SYTL2: variants seen among roughly 807,000 people sequenced by gnomAD.
SYTL2 encodes the protein synaptotagmin like 2.
In SYTL2, 165 loss-of-function variants were observed where a neutral mutation model predicts 198.7. That is an observed-to-expected ratio of 0.83 (90% CI 0.73 to 0.94). The LOEUF (loss-of-function observed/expected upper bound fraction) is 0.94. SYTL2 is among the 40% of genes least tolerant of loss of function. The pLI is 0.00. For missense variants in SYTL2, 2,835 were observed against 2,582.8 expected (o/e 1.10, Z -2.12); for synonymous variants, 966 against 917.7 (o/e 1.05, Z -0.95).
chr11:85,849,140 G>C, the SYTL2 span, among the ~76,000 whole-genome samples: 67 of 152,154 alleles, frequency 4.4e-4, no homozygotes, highest in Non-Finnish European at 1.5e-4. Flanking sequence ...CCTCTTAAGA[G>C]AATATTTTCT....
chr11:85,766,319 A>T (rs1360423202), intron 1 of SYTL2, among the ~76,000 whole-genome samples: 1 of 152,244 alleles, frequency 6.6e-6, no homozygotes, highest in Admixed American at 6.5e-5. Flanking sequence ...AAAGAAAAAC[A>T]GTAAAGAAAG....
chr11:85,827,014 G>A, the SYTL2 span, among the ~76,000 whole-genome samples: 2 of 152,194 alleles, frequency 1.3e-5, no homozygotes, highest in South Asian at 2.1e-4. Context: ...TAAGCCGAAG[G>A]ACCCAGTAAC....
intron 4 of SYTL2, among the ~76,000 whole-genome samples, chr11:85,741,852 T>C (rs549089023): frequency 6.6e-6 from 1 of 152,346 alleles, no homozygotes; most frequent in East Asian, 1.9e-4. Flanking sequence ...AGGAGACTGG[T>C]GTCAGAAGCA....
chr11:85,829,210 G>A, the SYTL2 span, among the ~76,000 whole-genome samples: 1 of 152,132 alleles, frequency 6.6e-6, no homozygotes, highest in Non-Finnish European at 1.5e-5. Flanking sequence ...CAAATAGGTG[G>A]TTTTTAAGCC....
At position 85,726,416 on chromosome 11, in the gene SYTL2, T is replaced by C; in HGVS notation, c.2942A>G (p.Gln981Arg). ...PNAEQVYNPS[Q>R]FENLRKFWDL... ...CCAAAACTTTCTCAAATTCTCAAAC[T>C]GAGAGGGATTATAGACCTGTTCTGC... The change falls in exon 8 of 20, where the codon CAG (glutamine) becomes CGG (arginine). Residue 981 changes from glutamine (Q) to arginine (R), a missense_variant. Coordinates refer to ENST00000359152, the MANE Select transcript of SYTL2 (RefSeq NM_206927.4). The C allele has an allele frequency of 6.2e-7, 1 of 1,613,272 alleles. No individual in the cohort carries two copies. Among genetic ancestry groups the C allele is most frequent in the Non-Finnish European group, 8.5e-7 (1 of 1,179,768 alleles).
At chr11:85,708,060 G>A in intron 14 of SYTL2, 1 of 398,858 alleles carries the variant, frequency 2.5e-6, no homozygotes, top group African/African-American at 2.2e-5. Flanking sequence ...CTAGTCAGGA[G>A]GCTGAGGCAG....
At chr11:85,719,625 G>A (rs1294439032) in intron 9 of SYTL2, among the ~76,000 whole-genome samples, 1 of 152,100 alleles carries the variant, frequency 6.6e-6, no homozygotes, top group Admixed American at 6.5e-5. Flanking sequence ...GGATATGGGG[G>A]TTGGCCGCCT....
At chr11:85,849,876 G>A in the SYTL2 span, among the ~76,000 whole-genome samples, 4 of 138,604 alleles carry the variant, frequency 2.9e-5, no homozygotes, top group South Asian at 7.1e-4. Context: ...ATTACCTTGG[G>A]CAGTATGGCC....
At chr11:85,752,577 A>G (rs2091577413) in intron 2 of SYTL2, among the ~76,000 whole-genome samples, 1 of 152,166 alleles carries the variant, frequency 6.6e-6, no homozygotes, top group African/African-American at 2.4e-5. Flanking sequence ...AACAAACTAC[A>G]AACCTTCCTT....
intron 7 of SYTL2, among the ~76,000 whole-genome samples, chr11:85,730,649 C>T (rs2089712539): frequency 6.6e-6 from 1 of 152,072 alleles, no homozygotes; most frequent in Non-Finnish European, 1.5e-5. Context: ...ACTGAATGGG[C>T]AAAAGCTGGA....
intron 1 of SYTL2, among the ~76,000 whole-genome samples, chr11:85,771,357 C>T (rs1439095385): frequency 6.6e-6 from 1 of 152,128 alleles, no homozygotes; most frequent in Non-Finnish European, 1.5e-5. Flanking sequence ...GGTTAATTAA[C>T]GTAAATGAAT....
At chr11:85,783,440 C>T (rs577874774) in intron 1 of SYTL2, among the ~76,000 whole-genome samples, 1 of 152,244 alleles carries the variant, frequency 6.6e-6, no homozygotes, top group East Asian at 1.9e-4. Context: ...GGGACATAGC[C>T]AAACCATATA....
At chr11:85,788,071 A>G (rs911690734) in intron 1 of SYTL2, among the ~76,000 whole-genome samples, 30 of 152,104 alleles carry the variant, frequency 2.0e-4, no homozygotes, top group African/African-American at 6.8e-4. Context: ...GGCAGTGGAG[A>G]TATTTGCTTA....
At chr11:85,854,261 T>C in the SYTL2 span, 1 of 129,798 alleles carries the variant, frequency 7.7e-6, no homozygotes, top group Non-Finnish European at 1.6e-5. Flanking sequence ...TATTTCTAAG[T>C]GCTGAATAAA....
intron 7 of SYTL2, chr11:85,733,581 G>GTTTTTTTTTTT (rs67133901): frequency 1.7e-5 from 2 of 119,564 alleles, no homozygotes; most frequent in Non-Finnish European, 1.6e-5. Flanking sequence ...AGCCCACCAA[G>GTTTTTTTTTTT]TTTTTTTTTT....
chr11:85,741,536 A>G (rs1435599976), intron 4 of SYTL2, among the ~76,000 whole-genome samples: 1 of 152,220 alleles, frequency 6.6e-6, no homozygotes, highest in Non-Finnish European at 1.5e-5. Flanking sequence ...TAAGAGTTCA[A>G]TATAAATGAC....
the SYTL2 span, among the ~76,000 whole-genome samples, chr11:85,843,754 C>T: frequency 6.6e-6 from 1 of 152,138 alleles, no homozygotes; most frequent in African/African-American, 2.4e-5. Context: ...TTATTGAGAA[C>T]CTACTATGTG....
intron 1 of SYTL2, among the ~76,000 whole-genome samples, chr11:85,803,734 A>G (rs1273263937): frequency 6.6e-6 from 1 of 152,260 alleles, no homozygotes; most frequent in African/African-American, 2.4e-5. Context: ...TTTTCCAGTC[A>G]AAGTAACCTG....
upstream of SYTL2, among the ~76,000 whole-genome samples, chr11:85,814,876 C>T (rs143408264): frequency 5.7e-3 from 870 of 152,274 alleles, 4 homozygotes; most frequent in Non-Finnish European, 1.0e-2. Context: ...CCAGATTCAC[C>T]CTCCTAGACT....
Sources: allele counts gnomAD v4.1 joint callset (sites outside exome capture counted in the v4.1 genomes callset), GRCh38; gene constraint gnomAD v4.1.1; transcripts MANE v1.5; gene names NCBI Gene and HGNC (gene_info 2026-07-23, HGNC 2026-07-21).